Variants in IGFL2 observed in about 807,000 individuals in gnomAD.
IGFL2 encodes insulin growth factor-like family member 2.
Under a neutral mutation model 13.9 loss-of-function variants are expected in IGFL2, and 7 were observed. The observed-to-expected ratio is 0.51, with a 90% confidence interval of 0.29 to 0.95. IGFL2 has a LOEUF of 0.95. IGFL2 is among the 40% of genes least tolerant of loss of function. The pLI is 0.08. For missense variants in IGFL2, 138 were observed against 147.8 expected (o/e 0.93, Z 0.34); for synonymous variants, 55 against 55.8 (o/e 0.99, Z 0.07).
rs572399691 is a variant in IGFL2 at position 46,150,384 on chromosome 19, C to G, written c.19+2087C>G. Among the ~76,000 whole-genome samples, 7 of 152,174 alleles carry G rather than the reference C, an allele frequency of 4.6e-5. No homozygotes were observed. In the South Asian group the frequency reaches 1.5e-3, roughly 32 times the overall value. ...ATAGGTTTTTAATTTTTGATGAAGT[C>G]TATTCTTTCTTTTCTCTCTTGTGCT... On this transcript the variant is annotated intron_variant, in intron 1 of 3. Transcript: ENST00000377693.
chr19:46,127,920 G>A, the IGFL2 span, among the ~76,000 whole-genome samples: 1 of 152,126 alleles, frequency 6.6e-6, no homozygotes, highest in Non-Finnish European at 1.5e-5. Flanking sequence ...TGGGAAGTAT[G>A]GCCATTTTTA....
At chr19:46,117,392 A>G in the IGFL2 span, among the ~76,000 whole-genome samples, 6 of 152,026 alleles carry the variant, frequency 3.9e-5, no homozygotes, top group African/African-American at 1.4e-4. Context: ...GCCAAGAAGA[A>G]TTCTCTTAAA....
chr19:46,194,791 C>T, the IGFL2 span, among the ~76,000 whole-genome samples: 5 of 145,760 alleles, frequency 3.4e-5, no homozygotes, highest in South Asian at 2.2e-4. Flanking sequence ...CCACTGCACT[C>T]CAGCCTGGGT....
At chr19:46,164,849 A>G (rs1974323427), downstream of IGFL2, among the ~76,000 whole-genome samples, 1 of 152,214 alleles carries the variant, frequency 6.6e-6, no homozygotes, top group African/African-American at 2.4e-5. Flanking sequence ...CTTCGTGAAC[A>G]GAGGATGGGT....
chr19:46,175,547 A>ATT, the IGFL2 span, among the ~76,000 whole-genome samples: 122 of 147,912 alleles, frequency 8.2e-4, 1 homozygote, highest in Middle Eastern at 0.018. Flanking sequence ...ACTTTGTGCA[A>ATT]TTTTTTTTTT....
chr19:46,093,151 A>C, the IGFL2 span, among the ~76,000 whole-genome samples: 1 of 152,190 alleles, frequency 6.6e-6, no homozygotes, highest in Non-Finnish European at 1.5e-5. Flanking sequence ...AAATTTTTGA[A>C]GATCTTTGCT....
chr19:46,124,969 G>C, the IGFL2 span, among the ~76,000 whole-genome samples: 1 of 141,828 alleles, frequency 7.1e-6, no homozygotes, highest in Admixed American at 7.1e-5. Context: ...TCCAAGTTAG[G>C]CTTCTAAGAG....
intron 1 of IGFL2, among the ~76,000 whole-genome samples, chr19:46,153,352 T>A (rs1297854054): frequency 6.6e-6 from 1 of 152,224 alleles, no homozygotes; most frequent in Non-Finnish European, 1.5e-5. Context: ...TTTCTTGTCT[T>A]TTTGATAAAA....
At chr19:46,126,752 C>G in the IGFL2 span, among the ~76,000 whole-genome samples, 1 of 152,146 alleles carries the variant, frequency 6.6e-6, no homozygotes, top group Non-Finnish European at 1.5e-5. Context: ...CAGTTACACT[C>G]AACACATGAA....
the IGFL2 span, among the ~76,000 whole-genome samples, chr19:46,102,753 C>T: frequency 3.9e-5 from 6 of 152,134 alleles, no homozygotes; most frequent in Non-Finnish European, 7.3e-5. Context: ...AGAGACCTGA[C>T]ATTTCTGTCT....
chr19:46,082,639 T>C, the IGFL2 span, among the ~76,000 whole-genome samples: 1 of 152,038 alleles, frequency 6.6e-6, no homozygotes, highest in African/African-American at 2.4e-5. Context: ...ATTTTTTTTT[T>C]TTTTTGAAGA....
At chr19:46,091,019 TA>T in the IGFL2 span, among the ~76,000 whole-genome samples, 1 of 152,168 alleles carries the variant, frequency 6.6e-6, no homozygotes, top group Non-Finnish European at 1.5e-5. Context: ...TTGGGTGACA[TA>T]AAATTGTTCT....
the IGFL2 span, among the ~76,000 whole-genome samples, chr19:46,086,072 C>T: frequency 0.013 from 2,045 of 151,948 alleles, 31 homozygotes; most frequent in Middle Eastern, 0.027. Flanking sequence ...TTCTGGGATT[C>T]TTTCTTCTGC....
the IGFL2 span, among the ~76,000 whole-genome samples, chr19:46,132,043 A>G: frequency 6.6e-6 from 1 of 152,244 alleles, no homozygotes; most frequent in Non-Finnish European, 1.5e-5. Context: ...ATTAGTATTA[A>G]AGATAAGAAT....
the IGFL2 span, among the ~76,000 whole-genome samples, chr19:46,130,317 A>G: frequency 1.3e-5 from 2 of 152,128 alleles, no homozygotes; most frequent in African/African-American, 4.8e-5. Context: ...ACCAAATACT[A>G]CAGGGTATGA....
chr19:46,119,719 A>G, the IGFL2 span, among the ~76,000 whole-genome samples: 1 of 149,614 alleles, frequency 6.7e-6, no homozygotes, highest in African/African-American at 2.5e-5. Context: ...TAATTTCCCT[A>G]ACCCCTTCAC....
the IGFL2 span, among the ~76,000 whole-genome samples, chr19:46,167,293 T>C: frequency 2.0e-5 from 3 of 152,146 alleles, no homozygotes; most frequent in African/African-American, 4.8e-5. Context: ...CATAAAGACA[T>C]AGTACACATC....
At chr19:46,201,527 G>A in the IGFL2 span, among the ~76,000 whole-genome samples, 5 of 152,150 alleles carry the variant, frequency 3.3e-5, no homozygotes, top group African/African-American at 9.7e-5. Flanking sequence ...GCCTTTACGC[G>A]TCCCCAACCC....
At position 46,160,754 on chromosome 19, in the gene IGFL2, T is replaced by G; in HGVS notation, c.214T>G (p.Phe72Val). ...ETRQCGPPCT[F>V]WPCFELCCLD... The stretch of plus-strand genomic sequence containing the variant: ...CCGCCAATGTGGTCCCCCCTGCACC[T>G]TCTGGCCCTGCTTTGAGCTCTGCTG... Residue 72 changes from phenylalanine to valine, a missense_variant, in exon 3 of 4, where the codon TTC becomes GTC. Phe to Val is a conservative substitution (Grantham distance 50). Coordinates refer to ENST00000377693, the MANE Select transcript of IGFL2 (RefSeq NM_001135113.2). 6.2e-7 allele frequency: 1 copy of G among 1,614,028 alleles called. No homozygotes were observed. The highest frequency in any genetic ancestry group is 8.5e-7 in the Non-Finnish European group (1 of 1,179,982).
Sources: gnomAD v4.1 joint callset for allele counts (sites outside exome capture counted in the v4.1 genomes callset) on GRCh38, gnomAD v4.1.1 for gene constraint, MANE v1.5 for transcripts, NCBI Gene and HGNC (gene_info 2026-07-23, HGNC 2026-07-21) for gene names.